Variants in SCARA5 observed in about 807,000 individuals in gnomAD.
The protein encoded by SCARA5 is scavenger receptor class A member 5, also known as scavenger receptor class A, member 5 (putative).
A neutral mutation model predicts 46.3 loss-of-function variants in SCARA5; 45 were observed. The ratio of observed to expected loss-of-function variants is 0.97; its 90% CI spans 0.76 to 1.24. SCARA5 has a LOEUF of 1.24. SCARA5 is among the 50% of genes most tolerant of loss of function. SCARA5 has a pLI of 0.00. For synonymous variants in SCARA5, 333 were observed against 306.5 expected (o/e 1.09, Z -0.90); for missense variants, 680 against 689.0 (o/e 0.99, Z 0.15).
At chr8:27,926,600 TAA>T (rs1279245441) in intron 3 of SCARA5, among the ~76,000 whole-genome samples, 1 of 152,114 alleles carries the variant, frequency 6.6e-6, no homozygotes, top group Non-Finnish European at 1.5e-5. Context: ...AAAAAATTAA[TAA>T]ATAAAATAAA....
At chr8:27,935,373 G>A (rs1365546426) in intron 3 of SCARA5, among the ~76,000 whole-genome samples, 1 of 152,150 alleles carries the variant, frequency 6.6e-6, no homozygotes, top group African/African-American at 2.4e-5. Flanking sequence ...TGGCCAACAG[G>A]GGGGTTAGCA....
At chr8:27,934,791 C>G (rs974781548) in intron 3 of SCARA5, among the ~76,000 whole-genome samples, 1 of 152,200 alleles carries the variant, frequency 6.6e-6, no homozygotes, top group Admixed American at 6.5e-5. Context: ...CTCCTCTGGC[C>G]TCAGTCTTTT....
intron 3 of SCARA5, among the ~76,000 whole-genome samples, chr8:27,957,009 CT>C (rs1305037888): frequency 2.0e-5 from 3 of 152,156 alleles, no homozygotes; most frequent in Admixed American, 6.5e-5. Flanking sequence ...CAAAATCTGC[CT>C]GGTAGCTCTG....
intron 7 of SCARA5, among the ~76,000 whole-genome samples, chr8:27,901,210 G>A (rs1490204335): frequency 6.6e-6 from 1 of 152,186 alleles, no homozygotes; most frequent in Non-Finnish European, 1.5e-5. Context: ...AGTGAGGGGT[G>A]TCGGTCATGT....
intron 3 of SCARA5, among the ~76,000 whole-genome samples, chr8:27,924,490 G>T (rs1807650660): frequency 6.6e-6 from 1 of 152,164 alleles, no homozygotes; most frequent in Non-Finnish European, 1.5e-5. Context: ...AGGCTCACAG[G>T]GCTGAAGGGG....
chr8:27,942,256 C>T (rs73668281), intron 3 of SCARA5, among the ~76,000 whole-genome samples: 4,198 of 152,216 alleles, frequency 0.028, 203 homozygotes, highest in African/African-American at 0.095. Flanking sequence ...TGCCTTTATC[C>T]CACCTCCTCC....
intron 2 of SCARA5, among the ~76,000 whole-genome samples, chr8:27,982,010 A>G (rs1392895278): frequency 6.6e-6 from 1 of 152,134 alleles, no homozygotes; most frequent in African/African-American, 2.4e-5. Flanking sequence ...ATGAAGGTAG[A>G]TGAGGAGGAT....
intron 3 of SCARA5, among the ~76,000 whole-genome samples, chr8:27,927,795 A>T (rs550648349): frequency 1.2e-4 from 19 of 152,352 alleles, no homozygotes; most frequent in Admixed American, 6.5e-4. Context: ...TCTCAAAAAA[A>T]GTTATACTAA....
Position 27,921,571 on chromosome 8 carries a change from C to T in SCARA5, c.916G>A (p.Gly306Arg). 1 of 1,546,776 alleles carries T rather than the reference C, an allele frequency of 6.5e-7. No individual in the cohort carries two copies. The highest frequency in any genetic ancestry group is 8.8e-7 in the Non-Finnish European group (1 of 1,142,290). ...GGAGGCAGCAAGGGCCTGGCGGTAC[C>T]TTTCGCGAGGGAGATGTTCCGCAGT... The part of the protein sequence containing the change: ...IALRNISLAK[G>R]PPGPKGDQGD... Residue 306 changes from glycine (G) to arginine (R), a missense_variant and splice_region_variant, in exon 4 of 9, where the codon GGG (glycine) becomes AGG (arginine). By Grantham distance (125) the Gly-to-Arg change is moderately radical (BLOSUM62 -2). Transcript: ENST00000354914.
chr8:27,942,219 C>T (rs1807957875), intron 3 of SCARA5, among the ~76,000 whole-genome samples: 1 of 152,178 alleles, frequency 6.6e-6, no homozygotes, highest in African/African-American at 2.4e-5. Flanking sequence ...CTGAGTCTTG[C>T]AGCCCCAAGT....
At chr8:27,883,528 C>A (rs1806844271) in intron 7 of SCARA5, among the ~76,000 whole-genome samples, 1 of 152,164 alleles carries the variant, frequency 6.6e-6, no homozygotes, top group Non-Finnish European at 1.5e-5. Context: ...CCAATCCAGA[C>A]CTACTGAAAG....
At position 27,921,992 on chromosome 8, in the gene SCARA5, C is replaced by T; in HGVS notation, c.495G>A (p.Gln165=). Residue 165 remains glutamine (Q), a synonymous_variant, in exon 4 of 9, where the codon CAG becomes CAA. Coordinates refer to ENST00000354914, the MANE Select transcript of SCARA5 (RefSeq NM_173833.6). ...GLQAQAVQTE[Q]AVALLRDRTG... ...TGCGGTCCCGCAGCAGGGCCACCGC[C>T]TGCTCGGTCTGCACCGCCTGCGCCT... The T allele has an allele frequency of 6.4e-7, 1 of 1,554,706 alleles. No homozygotes were observed. The highest frequency in any genetic ancestry group is 1.2e-5 in the South Asian group (1 of 83,636).
At chr8:27,935,545 G>C (rs2685313) in intron 3 of SCARA5, among the ~76,000 whole-genome samples, 49,618 of 151,084 alleles carry the variant, frequency 0.33, 8,279 homozygotes, top group East Asian at 0.37. Context: ...GAGCTGCTAA[G>C]AGCAAGCAGG....
chr8:27,989,723 C>A (rs1361142091), intron 1 of SCARA5, among the ~76,000 whole-genome samples: 1 of 152,200 alleles, frequency 6.6e-6, no homozygotes, highest in Non-Finnish European at 1.5e-5. Flanking sequence ...CCCCAGACAC[C>A]ACCCACTCTG....
At chr8:27,955,748 GA>G (rs745495644) in intron 3 of SCARA5, among the ~76,000 whole-genome samples, 2 of 152,144 alleles carry the variant, frequency 1.3e-5, no homozygotes, top group Non-Finnish European at 2.9e-5. Context: ...ACTTTTTCTG[GA>G]AAATTACCCA....
intron 3 of SCARA5, among the ~76,000 whole-genome samples, chr8:27,925,581 G>A (rs1485674509): frequency 2.6e-5 from 4 of 152,120 alleles, no homozygotes; most frequent in Admixed American, 6.5e-5. Flanking sequence ...CATGGGCAAG[G>A]ACTTCATGAC....
At chr8:27,948,530 C>G (rs1325557099) in intron 3 of SCARA5, among the ~76,000 whole-genome samples, 2 of 152,236 alleles carry the variant, frequency 1.3e-5, no homozygotes, top group Non-Finnish European at 2.9e-5. Flanking sequence ...GCCAGGCCAG[C>G]CTTTCTGTCC....
At chr8:27,905,523 T>TGGCGGGGCG (rs751627046) in intron 6 of SCARA5, among the ~76,000 whole-genome samples, 8 of 53,696 alleles carry the variant, frequency 1.5e-4, no homozygotes, top group South Asian at 6.3e-4. Flanking sequence ...ATCCAAGATT[T>TGGCGGGGCG]GGGGGGGGGA....
At chr8:27,960,814 A>AAACG (rs1808282493) in intron 3 of SCARA5, among the ~76,000 whole-genome samples, 1 of 118,620 alleles carries the variant, frequency 8.4e-6, no homozygotes, top group East Asian at 2.2e-4. Context: ...ATTATGAAAT[A>AAACG]AATGAGTTGT....
Sources: allele counts gnomAD v4.1 joint callset (sites outside exome capture counted in the v4.1 genomes callset), GRCh38; gene constraint gnomAD v4.1.1; transcripts MANE v1.5; gene names NCBI Gene and HGNC (gene_info 2026-07-23, HGNC 2026-07-21).